The following RARA variants were observed in gnomAD, a reference collection of about 807,000 sequenced individuals.
RARA encodes the protein PML-DDX5-RARA fusion.
RARA carries 5 observed loss-of-function variants against 42.8 expected under a neutral mutation model. The observed-to-expected ratio is 0.12, with a 90% confidence interval of 0.06 to 0.25. The LOEUF (loss-of-function observed/expected upper bound fraction) is 0.25. RARA is among the 10% of genes least tolerant of loss of function. The pLI is 1.00. For synonymous variants in RARA, 256 were observed against 259.5 expected (o/e 0.99, Z 0.13); for missense variants, 402 against 628.7 (o/e 0.64, Z 3.86).
intron 1 of RARA, among the ~76,000 whole-genome samples, chr17:40,325,179 A>G (rs577550335): frequency 2.2e-4 from 34 of 152,090 alleles, no homozygotes; most frequent in African/African-American, 8.0e-4. Context: ...TGAACCCGGG[A>G]GGCGGAGGTT....
At chr17:40,322,770 GA>G (rs1198595864) in intron 1 of RARA, among the ~76,000 whole-genome samples, 1 of 152,106 alleles carries the variant, frequency 6.6e-6, no homozygotes, top group Non-Finnish European at 1.5e-5. Flanking sequence ...CAGGGAGGGA[GA>G]GCCCTGTCAG....
chr17:40,325,439 C>T (rs771670502), intron 1 of RARA, among the ~76,000 whole-genome samples: 15 of 152,020 alleles, frequency 9.9e-5, no homozygotes, highest in South Asian at 2.1e-4. Flanking sequence ...CTTGAAAAAG[C>T]GGGGAGTAGT....
At chr17:40,329,234 G>A (rs988117739) in intron 1 of RARA, among the ~76,000 whole-genome samples, 9 of 150,990 alleles carry the variant, frequency 6.0e-5, no homozygotes, top group East Asian at 1.9e-4. Context: ...AGCAATTCTC[G>A]TGCATCAGCC....
Position 40,348,447 on chromosome 17 carries a change from G to A in RARA, c.310G>A (p.Ala104Thr), listed in dbSNP as rs773619675. 4.3e-6 allele frequency: 7 copies of A among 1,612,728 alleles called. No individual in the cohort carries two copies. The highest frequency in any genetic ancestry group is 5.9e-6 in the Non-Finnish European group (7 of 1,179,312). ...KSSGYHYGVSACEGCKGFFRR... is the reference protein window; with the variant it reads ...KSSGYHYGVSTCEGCKGFFRR... ...CTCAGGCTACCACTATGGGGTCAGCGCCTGTGAGGGCTGCAAGGTGAGTTG... is the reference window on the plus strand; with the variant it reads ...CTCAGGCTACCACTATGGGGTCAGCACCTGTGAGGGCTGCAAGGTGAGTTG... Residue 104 changes from alanine (A) to threonine (T), a missense_variant, in exon 3 of 9, where the codon GCC becomes ACC. Physicochemically the swap from Ala to Thr is moderately conservative, Grantham distance 58. Coordinates refer to ENST00000254066, the MANE Select transcript of RARA (RefSeq NM_000964.4).
intron 4 of RARA, among the ~76,000 whole-genome samples, chr17:40,350,987 T>G (rs1205589279): frequency 4.6e-5 from 7 of 151,376 alleles, no homozygotes; most frequent in Non-Finnish European, 1.0e-4. Context: ...ACTCCCCTTC[T>G]CCCTCCCACC....
Position 40,356,118 on chromosome 17 carries a change from G to C in RARA, c.1281G>C (p.Pro427=). ...GCCTGGACACTCTGAGCGGACAGCC[G>C]GGGGGTGGGGGGCGGGACGGGGGTG... is the stretch of plus-strand genomic sequence containing the variant. ...SEGLDTLSGQ[P]GGGGRDGGGL... Residue 427 remains proline, a synonymous_variant, in exon 9 of 9, where the codon CCG becomes CCC. Transcript: ENST00000254066. 1 of 1,477,702 alleles carries C rather than the reference G, an allele frequency of 6.8e-7. No individual in the cohort carries two copies. The highest frequency in any genetic ancestry group is 9.3e-7 in the Non-Finnish European group (1 of 1,071,494). The allele number at this position is 1,477,702 out of a possible 1,614,324, so 91.5% of individuals were successfully genotyped here.
In RARA at chr17:40,345,946, G is replaced by C. The variant is rs2034253555; in HGVS notation, c.179-2370G>C. On this transcript the variant is annotated intron_variant, in intron 2 of 8. Coordinates refer to ENST00000254066, the MANE Select transcript of RARA (RefSeq NM_000964.4). The surrounding 1 kb of genome is among the most constrained non-coding windows in gnomAD (Gnocchi z 4.8). ...TCGAGCTCTGGGTTCAAAGGGCAGA[G>C]CAGGGAAACCTCAGAGCTGGGTTAC... 6.6e-6 allele frequency among the ~76,000 whole-genome samples: 1 copy of C among 152,206 alleles called. No homozygotes were observed. The highest frequency in any genetic ancestry group is 2.4e-5 in the African/African-American group (1 of 41,446).
Position 40,355,396 on chromosome 17 carries a change from T to C in RARA, c.1146T>C (p.Thr382=), listed in dbSNP as rs1478424898. The part of the protein sequence containing the change: ...HMFPKMLMKI[T]DLRSISAKGA... Reference sequence around the variant, plus strand: ...TCCCCAAGATGCTAATGAAGATTACTGACCTGCGAAGCATCAGCGCCAAGG... The same window carrying C: ...TCCCCAAGATGCTAATGAAGATTACCGACCTGCGAAGCATCAGCGCCAAGG... The change falls in exon 8 of 9, where the codon ACT becomes ACC. Residue 382 remains threonine (T), a synonymous_variant. Transcript: ENST00000254066. The surrounding 1 kb of genome is among the most constrained non-coding windows in gnomAD (Gnocchi z 4.1). 2 of 1,613,856 alleles carry C rather than the reference T, an allele frequency of 1.2e-6. No homozygotes were observed. The highest frequency in any genetic ancestry group is 1.3e-5 in the African/African-American group (1 of 74,924).
At position 40,356,750 on chromosome 17, in the gene RARA, A is replaced by T. The variant is rs1567769059; in HGVS notation, c.*524A>T. 3 of 518,666 alleles carry T rather than the reference A, an allele frequency of 5.8e-6. No homozygotes were observed. The highest frequency in any genetic ancestry group is 4.8e-5 in the Admixed American group (2 of 41,552). The allele number at this position is 518,666 out of a possible 1,614,324, so 32.1% of individuals were successfully genotyped here. On this transcript the variant is annotated 3_prime_UTR_variant, in exon 9 of 9. Coordinates refer to ENST00000254066, the MANE Select transcript of RARA (RefSeq NM_000964.4). The stretch of plus-strand genomic sequence containing the variant: ...TCTCGCTGGTTTTGTTTTTATTTTA[A>T]TTTTTTTGTTTTGATTTTTTTAATA...
At chr17:40,341,765 C>G (rs900724013) in intron 2 of RARA, 1 of 1,292,406 alleles carries the variant, frequency 7.7e-7, no homozygotes, top group Non-Finnish European at 9.8e-7. Flanking sequence ...GCCCCACCAC[C>G]TCCTCCACCA....
intron 2 of RARA, chr17:40,342,386 G>A (rs2034091364): frequency 9.0e-7 from 1 of 1,113,876 alleles, no homozygotes; most frequent in Non-Finnish European, 1.1e-6. Context: ...TGCCTCGGAC[G>A]CCACGAGACT....
At chr17:40,317,722 A>G (rs541644848) in intron 1 of RARA, among the ~76,000 whole-genome samples, 349 of 150,250 alleles carry the variant, frequency 2.3e-3, no homozygotes, top group South Asian at 6.5e-3. Context: ...TTTTTCTTGC[A>G]GCTGAGATAA....
In RARA at chr17:40,354,528, G is replaced by T; in HGVS notation, c.1012+22G>T. On this transcript the variant is annotated intron_variant, in intron 7 of 8. Coordinates refer to ENST00000254066, the MANE Select transcript of RARA (RefSeq NM_000964.4). This position sits in a 1 kb window ranked among gnomAD's most constrained non-coding sequence, Gnocchi z 4.5. Reference sequence around the variant, plus strand: ...GGAGGTGGGCAGGGGGCCTGGGTCTGGGGGCTGGGCTGGGACGGGGGTGCA... The same window carrying T: ...GGAGGTGGGCAGGGGGCCTGGGTCTTGGGGCTGGGCTGGGACGGGGGTGCA... 1 of 1,609,610 alleles carries T rather than the reference G, an allele frequency of 6.2e-7. No individual in the cohort carries two copies. Among genetic ancestry groups the T allele is most frequent in the Non-Finnish European group, 8.5e-7 (1 of 1,178,100 alleles).
At position 40,331,336 on chromosome 17, in the gene RARA, G is replaced by A. The variant is rs576185106; in HGVS notation, c.118G>A (p.Ala40Thr). Reference sequence around the variant, plus strand: ...GCTGGGTGGACTCTCCCCGCCAGGCGCTCTGACCACTCTCCAGCACCAGCT... The same window carrying A: ...GCTGGGTGGACTCTCCCCGCCAGGCACTCTGACCACTCTCCAGCACCAGCT... The part of the protein sequence containing the change: ...PMLGGLSPPG[A>T]LTTLQHQLPV... The change falls in exon 2 of 9, where the codon GCT (alanine) becomes ACT (threonine). Residue 40 changes from alanine (A) to threonine (T), a missense_variant. Physicochemically the swap from Ala to Thr is moderately conservative, Grantham distance 58 (BLOSUM62 0). This residue lies in a region of RARA where 91 missense variants were observed against 105.2 expected (regional missense o/e 0.87). Transcript: ENST00000254066. The A allele has an allele frequency of 2.1e-5, 34 of 1,613,856 alleles. No individual in the cohort carries two copies. The East Asian group carries it at 5.8e-4, about 27-fold the overall frequency.
At chr17:40,353,061 G>A (rs932410776) in intron 6 of RARA, among the ~76,000 whole-genome samples, 9 of 152,342 alleles carry the variant, frequency 5.9e-5, no homozygotes, top group Admixed American at 5.2e-4. Flanking sequence ...GCAAAACTGT[G>A]ATCAATGCTT....
At chr17:40,310,664 T>A (rs936090910) in intron 1 of RARA, among the ~76,000 whole-genome samples, 4 of 152,172 alleles carry the variant, frequency 2.6e-5, no homozygotes, top group Non-Finnish European at 5.9e-5. Flanking sequence ...ATCAGAGGCC[T>A]GAACTGGAGA....
intron 1 of RARA, among the ~76,000 whole-genome samples, chr17:40,315,845 T>A (rs1050535382): frequency 6.6e-6 from 1 of 152,158 alleles, no homozygotes; most frequent in African/African-American, 2.4e-5. Flanking sequence ...CCCCAGCCTA[T>A]CTCCTGTGTG....
chr17:40,353,450 TTA>T (rs2034517575), intron 6 of RARA, among the ~76,000 whole-genome samples: 1 of 152,106 alleles, frequency 6.6e-6, no homozygotes, highest in African/African-American at 2.4e-5. Context: ...TCATTTCTTT[TTA>T]TGTTTTTCTT....
In RARA at chr17:40,345,937, A is replaced by G. The variant is rs2034253342; in HGVS notation, c.179-2379A>G. 6.6e-6 allele frequency among the ~76,000 whole-genome samples: 1 copy of G among 152,158 alleles called. No homozygotes were observed. The highest frequency in any genetic ancestry group is 1.5e-5 in the Non-Finnish European group (1 of 68,024). On this transcript the variant is annotated intron_variant, in intron 2 of 8. Coordinates refer to ENST00000254066, the MANE Select transcript of RARA (RefSeq NM_000964.4). This position sits in a 1 kb window ranked among gnomAD's most constrained non-coding sequence, Gnocchi z 4.8. Reference sequence around the variant, plus strand: ...GGTGGGGCATCGAGCTCTGGGTTCAAAGGGCAGAGCAGGGAAACCTCAGAG... The same window carrying G: ...GGTGGGGCATCGAGCTCTGGGTTCAGAGGGCAGAGCAGGGAAACCTCAGAG...
Sources: gnomAD v4.1 joint callset for allele counts (sites outside exome capture counted in the v4.1 genomes callset) on GRCh38, gnomAD v4.1.1 for gene constraint, gnomAD v4.1.1 regional missense constraint, Gnocchi (gnomAD v3.1) non-coding constraint, MANE v1.5 for transcripts, NCBI Gene and HGNC (gene_info 2026-07-23, HGNC 2026-07-21) for gene names.